CACNA1E: variants seen among roughly 807,000 people sequenced by gnomAD.
CACNA1E encodes the protein calcium voltage-gated channel subunit alpha1 E.
In CACNA1E, 40 loss-of-function variants were observed where a neutral mutation model predicts 259.2. The observed-to-expected ratio is 0.15, with a 90% CI of 0.12 to 0.20. The LOEUF (loss-of-function observed/expected upper bound fraction) is 0.20, where lower values mean the gene tolerates loss of function less well. Ranked by LOEUF, CACNA1E falls within the 10% of genes least tolerant of loss-of-function variation. CACNA1E has a pLI of 1.00. For synonymous variants in CACNA1E, 1,104 were observed against 1,138.5 expected (o/e 0.97, Z 0.61); for missense variants, 1,874 against 3,040.1 (o/e 0.62, Z 9.02).
At chr1:181,575,784 A>G in intron 3 of CACNA1E, among the ~76,000 whole-genome samples, 1 of 152,242 alleles carries the variant, frequency 6.6e-6, no homozygotes, top group Non-Finnish European at 1.5e-5. Flanking sequence ...CCACCTGGGC[A>G]GCACAGGAGA....
chr1:181,481,831 A>ATTT (rs112307667), upstream of CACNA1E, among the ~76,000 whole-genome samples: 706 of 140,920 alleles, frequency 5.0e-3, 5 homozygotes, highest in African/African-American at 0.015. Context: ...TACCAATTCT[A>ATTT]TTTTTTTTTT....
upstream of CACNA1E, among the ~76,000 whole-genome samples, chr1:181,482,647 C>T (rs535104781): frequency 6.6e-6 from 1 of 151,716 alleles, no homozygotes; most frequent in South Asian, 2.1e-4. Flanking sequence ...TGTCCTCTGC[C>T]TCGCCTCCCC....
chr1:181,503,993 T>G (rs1004448189), intron 1 of CACNA1E, among the ~76,000 whole-genome samples: 16 of 152,236 alleles, frequency 1.1e-4, no homozygotes, highest in Admixed American at 1.0e-3. Flanking sequence ...GTCATGCTAA[T>G]AGGGAATCAC....
chr1:181,552,122 A>G (rs1378563049), intron 3 of CACNA1E, among the ~76,000 whole-genome samples: 1 of 152,216 alleles, frequency 6.6e-6, no homozygotes, highest in Admixed American at 6.5e-5. Flanking sequence ...CTTAAAATAT[A>G]ACACCCAGAA....
Position 181,372,823 on chromosome 1 carries a change from TATA to T in CACNA1E, c.-14-40309_-14-40307del, listed in dbSNP as rs1012746048. Among the ~76,000 whole-genome samples the T allele has an allele frequency of 1.0e-3, 139 of 133,144 alleles. 1 individual carries two copies. The highest frequency in any genetic ancestry group is 3.1e-3 in the Admixed American group (41 of 13,314). 87.3% of individuals were successfully genotyped at this position (133,144 alleles called of 152,430 possible). On this transcript the variant is annotated intron_variant, in intron 1 of 11. Coordinates refer to the CACNA1E transcript ENST00000524607. ...AAGGGATGTTGAATATATATATATATATATATTTTTTTTTTAACATGAAGGGAT... is the reference window on the plus strand; with the variant it reads ...AAGGGATGTTGAATATATATATATATTATTTTTTTTTTAACATGAAGGGAT...
chr1:181,609,750 A>G (rs1654570316), intron 6 of CACNA1E, among the ~76,000 whole-genome samples: 1 of 152,048 alleles, frequency 6.6e-6, no homozygotes, highest in Admixed American at 6.6e-5. Context: ...GTGAGCTAGA[A>G]CTCTATTTTC....
chr1:181,568,712 G>C (rs551687434), intron 3 of CACNA1E, among the ~76,000 whole-genome samples: 93 of 152,180 alleles, frequency 6.1e-4, no homozygotes, highest in African/African-American at 2.2e-3. Context: ...TCCCACCTCA[G>C]CCTCCCAAGT....
chr1:181,376,492 C>T (rs1347891007), intron 1 of CACNA1E, among the ~76,000 whole-genome samples: 3 of 152,192 alleles, frequency 2.0e-5, no homozygotes, highest in Non-Finnish European at 4.4e-5. Flanking sequence ...CTCCCTGAGT[C>T]TCTAAGAGAT....
At chr1:181,448,101 T>A (rs2102323511) in intron 2 of CACNA1E, among the ~76,000 whole-genome samples, 1 of 152,378 alleles carries the variant, frequency 6.6e-6, no homozygotes, top group South Asian at 2.1e-4. Flanking sequence ...CAGTCTTAGT[T>A]CCCGTAATTT....
At chr1:181,683,305 C>T (rs1321229764) in intron 7 of CACNA1E, among the ~76,000 whole-genome samples, 1 of 152,236 alleles carries the variant, frequency 6.6e-6, no homozygotes, top group Non-Finnish European at 1.5e-5. Flanking sequence ...AGAGTTGGAA[C>T]TTCTGATTTT....
intron 2 of CACNA1E, among the ~76,000 whole-genome samples, chr1:181,456,575 G>T (rs533182416): frequency 2.5e-4 from 38 of 152,302 alleles, no homozygotes; most frequent in Admixed American, 2.1e-3. Flanking sequence ...CATGGAGAGG[G>T]TTGGGGCCAA....
At chr1:181,707,987 G>A (rs1652960871) in intron 7 of CACNA1E, among the ~76,000 whole-genome samples, 1 of 152,190 alleles carries the variant, frequency 6.6e-6, no homozygotes, top group African/African-American at 2.4e-5. Context: ...AGGTTGGGGT[G>A]CAGTGATGGT....
intron 1 of CACNA1E, among the ~76,000 whole-genome samples, chr1:181,361,400 C>T (rs1653876054): frequency 6.6e-6 from 1 of 152,070 alleles, no homozygotes; most frequent in African/African-American, 2.4e-5. Flanking sequence ...GGGCAGGGAC[C>T]CCTTTCCTGG....
At chr1:181,670,383 A>G (rs1253980260) in intron 7 of CACNA1E, among the ~76,000 whole-genome samples, 1 of 152,210 alleles carries the variant, frequency 6.6e-6, no homozygotes, top group Non-Finnish European at 1.5e-5. Flanking sequence ...CTTGGTGTCA[A>G]GTGTATCACT....
At chr1:181,452,647 A>G (rs1438836569) in intron 2 of CACNA1E, among the ~76,000 whole-genome samples, 1 of 152,214 alleles carries the variant, frequency 6.6e-6, no homozygotes, top group African/African-American at 2.4e-5. Context: ...CCCAATGTGG[A>G]AAAACCTACT....
intron 1 of CACNA1E, among the ~76,000 whole-genome samples, chr1:181,400,177 A>G (rs1656992097): frequency 6.6e-6 from 1 of 152,190 alleles, no homozygotes; most frequent in Non-Finnish European, 1.5e-5. Context: ...AGCATTCATT[A>G]TTTCCAGGAT....
At chr1:181,400,520 C>G (rs1657021949) in intron 1 of CACNA1E, among the ~76,000 whole-genome samples, 1 of 152,080 alleles carries the variant, frequency 6.6e-6, no homozygotes, top group Non-Finnish European at 1.5e-5. Context: ...TGAAGCATCC[C>G]CATGCCCTAC....
intron 6 of CACNA1E, among the ~76,000 whole-genome samples, chr1:181,613,686 C>T (rs1014168490): frequency 6.6e-6 from 1 of 152,190 alleles, no homozygotes; most frequent in African/African-American, 2.4e-5. Flanking sequence ...AACCTAACTG[C>T]ATTTGCACAA....
chr1:181,381,795 G>T, intron 1 of CACNA1E, among the ~76,000 whole-genome samples: 1 of 152,148 alleles, frequency 6.6e-6, no homozygotes, highest in South Asian at 2.1e-4. Context: ...TGTGGTGGTC[G>T]GATCAGCAGA....
Sources: gnomAD v4.1 joint callset for allele counts (sites outside exome capture counted in the v4.1 genomes callset) on GRCh38, gnomAD v4.1.1 for gene constraint, MANE v1.5 for transcripts, NCBI Gene and HGNC (gene_info 2026-07-23, HGNC 2026-07-21) for gene names.